Variants in KCNIP4 observed in about 807,000 individuals in gnomAD.
KCNIP4 encodes Kv channel-interacting protein 4.
A neutral mutation model predicts 34.0 loss-of-function variants in KCNIP4; 12 were observed. The observed-to-expected ratio is 0.35, with a 90% CI of 0.23 to 0.57. The LOEUF (loss-of-function observed/expected upper bound fraction) is 0.57, where lower values mean the gene tolerates loss of function less well. Among genes scored for constraint, KCNIP4 ranks in the 20% least tolerant of loss-of-function variants. The probability of loss-of-function intolerance (pLI) is 0.83; values close to 1 mark genes in which losing one functional copy is unlikely to be tolerated. For synonymous variants in KCNIP4, 124 were observed against 102.2 expected (o/e 1.21, Z -1.29); for missense variants, 238 against 311.7 (o/e 0.76, Z 1.78).
intron 1 of KCNIP4, among the ~76,000 whole-genome samples, chr4:21,445,657 A>C (rs997944121): frequency 6.6e-6 from 1 of 152,232 alleles, no homozygotes; most frequent in African/African-American, 2.4e-5. Context: ...GTTAGACCTA[A>C]AACCATAAAA....
chr4:20,831,021 CTG>C (rs1291728249), intron 3 of KCNIP4, among the ~76,000 whole-genome samples: 1 of 152,250 alleles, frequency 6.6e-6, no homozygotes, highest in South Asian at 2.1e-4. Context: ...GTATTTGCCT[CTG>C]TAAAATATAA....
chr4:21,793,103 T>TA (rs565812738), intron 1 of KCNIP4, among the ~76,000 whole-genome samples: 1 of 152,270 alleles, frequency 6.6e-6, no homozygotes, highest in Non-Finnish European at 1.5e-5. Flanking sequence ...GTTGTACCTT[T>TA]AAAAAAACCA....
At chr4:21,574,754 A>G (rs1047620278) in intron 1 of KCNIP4, among the ~76,000 whole-genome samples, 1 of 152,168 alleles carries the variant, frequency 6.6e-6, no homozygotes, top group Non-Finnish European at 1.5e-5. Flanking sequence ...GAAATCAGAA[A>G]GAAAGTATCT....
At chr4:20,863,803 C>T (rs916113429) in intron 2 of KCNIP4, among the ~76,000 whole-genome samples, 3 of 152,046 alleles carry the variant, frequency 2.0e-5, no homozygotes, top group South Asian at 2.1e-4. Flanking sequence ...ACCTCTGTGA[C>T]ACGAGTTTAC....
At position 21,347,085 on chromosome 4, in the gene KCNIP4, C is replaced by T. The variant is rs532855961; in HGVS notation, c.62-464376G>A. Among the ~76,000 whole-genome samples, 52 of 152,230 alleles carry T rather than the reference C, an allele frequency of 3.4e-4. 1 individual carries two copies. The highest frequency in any genetic ancestry group is 3.4e-3 in the Middle Eastern group (1 of 294). On this transcript the variant is annotated intron_variant, in intron 1 of 8. Transcript: ENST00000382152. Reference sequence around the variant, plus strand: ...TGCAACCTTCTAGCTGTGTGACCTGCGCAAGTGAACTAGACTGAGCCCAAT... The same window carrying T: ...TGCAACCTTCTAGCTGTGTGACCTGTGCAAGTGAACTAGACTGAGCCCAAT...
intron 1 of KCNIP4, among the ~76,000 whole-genome samples, chr4:21,062,102 A>G (rs895395209): frequency 2.0e-5 from 3 of 152,184 alleles, no homozygotes; most frequent in African/African-American, 7.2e-5. Context: ...GTGAATACAA[A>G]TAATACATAA....
At chr4:21,857,439 T>A (rs1724826649) in intron 1 of KCNIP4, among the ~76,000 whole-genome samples, 1 of 151,976 alleles carries the variant, frequency 6.6e-6, no homozygotes, top group Non-Finnish European at 1.5e-5. Flanking sequence ...CAGGGTCTCC[T>A]CTCTGCTGAG....
At chr4:21,280,441 T>C (rs1762708170) in intron 1 of KCNIP4, among the ~76,000 whole-genome samples, 1 of 152,202 alleles carries the variant, frequency 6.6e-6, no homozygotes, top group South Asian at 2.1e-4. Flanking sequence ...AAGCACCTGT[T>C]ATCTCTACCA....
intron 1 of KCNIP4, chr4:21,697,692 C>A: frequency 8.0e-7 from 1 of 1,247,260 alleles, no homozygotes; most frequent in Non-Finnish European, 1.0e-6. Context: ...CCAAGTTCTT[C>A]TGTGGCAACA....
intron 3 of KCNIP4, among the ~76,000 whole-genome samples, chr4:20,823,811 G>A (rs1452329281): frequency 6.6e-6 from 1 of 152,150 alleles, no homozygotes; most frequent in Non-Finnish European, 1.5e-5. Flanking sequence ...GACTGATAAT[G>A]GTGAGACTAG....
At chr4:21,711,482 A>G (rs888400256) in intron 1 of KCNIP4, among the ~76,000 whole-genome samples, 5 of 152,128 alleles carry the variant, frequency 3.3e-5, no homozygotes, top group Non-Finnish European at 7.3e-5. Flanking sequence ...CTCCGTCTCA[A>G]AAAAACAAAA....
chr4:21,602,533 G>A (rs1042370614), intron 1 of KCNIP4, among the ~76,000 whole-genome samples: 33 of 152,274 alleles, frequency 2.2e-4, no homozygotes, highest in African/African-American at 7.7e-4. Flanking sequence ...TTGTATGTGT[G>A]TGTGTTGACT....
Position 21,787,881 on chromosome 4 carries a change from C to T in KCNIP4, c.61+160690G>A, listed in dbSNP as rs115960216. The stretch of plus-strand genomic sequence containing the variant: ...TAATTGTATATCGGTTCTTCCAGAG[C>T]TGACATTCTAGTGGGGGAAGCATAT... On this transcript the variant is annotated intron_variant, in intron 1 of 8. Transcript: ENST00000382152. 6.9e-3 allele frequency among the ~76,000 whole-genome samples: 1,046 copies of T among 152,128 alleles called. 5 individuals carry two copies. The highest frequency in any genetic ancestry group is 0.012 in the Non-Finnish European group (801 of 68,020).
In KCNIP4 at chr4:21,945,992, G is replaced by C. The variant is rs377708720; in HGVS notation, c.61+2579C>G. Among the ~76,000 whole-genome samples the C allele has an allele frequency of 4.1e-5, 6 of 147,512 alleles. No homozygotes were observed. In the East Asian group the frequency reaches 1.2e-3, roughly 29 times the overall value. ...CAATGTCAATTACAGTGATTTACAG[G>C]TGGTGTTCATCAGTTAGCATACTAG... On this transcript the variant is annotated intron_variant, in intron 1 of 8. Coordinates refer to ENST00000382152, the MANE Select transcript of KCNIP4 (RefSeq NM_025221.6).
chr4:21,577,467 T>C (rs1443568626), intron 1 of KCNIP4, among the ~76,000 whole-genome samples: 1 of 151,954 alleles, frequency 6.6e-6, no homozygotes, highest in African/African-American at 2.4e-5. Context: ...CTCTCTCTAC[T>C]AAAAGTACAA....
chr4:20,882,905 T>C, intron 1 of KCNIP4, among the ~76,000 whole-genome samples, 196 bp from the exon 2 acceptor site: 1 of 151,976 alleles, frequency 6.6e-6, no homozygotes, highest in East Asian at 1.9e-4. Flanking sequence ...TTTTTATTTC[T>C]AAATGTTGTT....
At chr4:21,278,557 A>G (rs10025571) in intron 1 of KCNIP4, among the ~76,000 whole-genome samples, 66,745 of 151,992 alleles carry the variant, frequency 0.44, 15,332 homozygotes, top group South Asian at 0.57. Flanking sequence ...GTATTCCATG[A>G]TGTATATGTA....
At chr4:21,450,081 C>CA in intron 1 of KCNIP4, among the ~76,000 whole-genome samples, 1 of 152,188 alleles carries the variant, frequency 6.6e-6, no homozygotes, top group African/African-American at 2.4e-5. Context: ...ACTATTAAAA[C>CA]AAAATGCCAT....
intron 1 of KCNIP4, among the ~76,000 whole-genome samples, chr4:21,630,718 T>G (rs917958786): frequency 6.6e-6 from 1 of 152,210 alleles, no homozygotes; most frequent in East Asian, 1.9e-4. Flanking sequence ...GCCATGAAAC[T>G]TTCCTGTTTA....
Sources: allele counts gnomAD v4.1 joint callset (sites outside exome capture counted in the v4.1 genomes callset), GRCh38; gene constraint gnomAD v4.1.1; transcripts MANE v1.5; gene names NCBI Gene and HGNC (gene_info 2026-07-23, HGNC 2026-07-21).